The following CAP2 variants were observed in gnomAD, a reference collection of about 807,000 sequenced individuals.
CAP2 encodes the protein adenylyl cyclase-associated protein 2.
CAP2 carries 24 observed loss-of-function variants against 57.7 expected under a neutral mutation model. The observed-to-expected ratio is 0.42, with a 90% CI of 0.30 to 0.58. The LOEUF is 0.58. Among genes scored for constraint, CAP2 ranks in the 20% least tolerant of loss-of-function variants. The probability of loss-of-function intolerance (pLI) is 0.22; values close to 1 mark genes in which losing one functional copy is unlikely to be tolerated. For missense variants in CAP2, 501 were observed against 590.3 expected, an observed-to-expected ratio of 0.85 and a Z score of 1.57; for synonymous variants, 194 against 207.2, an observed-to-expected ratio of 0.94 and a Z score of 0.55.
At chr6:17,511,479 T>C (rs959870604) in intron 6 of CAP2, among the ~76,000 whole-genome samples, 3 of 151,968 alleles carry the variant, frequency 2.0e-5, no homozygotes, top group Non-Finnish European at 4.4e-5. Flanking sequence ...TGATACAGAG[T>C]CTCGCTCTGT....
chr6:17,449,784 G>T (rs953978053), intron 3 of CAP2, among the ~76,000 whole-genome samples: 4 of 152,122 alleles, frequency 2.6e-5, no homozygotes, highest in Non-Finnish European at 5.9e-5. Flanking sequence ...ATGGCAAGTG[G>T]TCCCTAATAT....
chr6:17,523,910 C>T (rs1762442482), intron 7 of CAP2, among the ~76,000 whole-genome samples: 1 of 152,034 alleles, frequency 6.6e-6, no homozygotes. Context: ...CCCGTCTCTA[C>T]TAAAAATACA....
At chr6:17,462,845 A>G in intron 3 of CAP2, 151 bp from the exon 4 acceptor site, 1 of 635,534 alleles carries the variant, frequency 1.6e-6, no homozygotes, top group South Asian at 1.9e-5. Flanking sequence ...TTATTATATG[A>G]TGCTGTTACG....
intron 12 of CAP2, among the ~76,000 whole-genome samples, chr6:17,552,900 A>T (rs532269682): frequency 2.6e-5 from 4 of 152,308 alleles, no homozygotes; most frequent in African/African-American, 7.2e-5. Context: ...CACGTGTCAT[A>T]CATTACAGGC....
chr6:17,475,688 C>A (rs1242999819), intron 4 of CAP2, among the ~76,000 whole-genome samples: 2 of 152,090 alleles, frequency 1.3e-5, no homozygotes, highest in South Asian at 4.1e-4. Context: ...ATCCAGCTGG[C>A]CTGATATTTA....
At chr6:17,414,657 A>G (rs1324275013) in intron 1 of CAP2, among the ~76,000 whole-genome samples, 1 of 152,120 alleles carries the variant, frequency 6.6e-6, no homozygotes, top group Non-Finnish European at 1.5e-5. Flanking sequence ...TCTATCATTG[A>G]TGGGCATTTG....
At chr6:17,520,974 G>A (rs1314151894) in intron 7 of CAP2, among the ~76,000 whole-genome samples, 2 of 152,196 alleles carry the variant, frequency 1.3e-5, no homozygotes, top group Admixed American at 6.5e-5. Context: ...CTCTTCCCAC[G>A]GAGTGGCCCT....
intron 1 of CAP2, among the ~76,000 whole-genome samples, chr6:17,415,642 AAAG>A (rs1321529483): frequency 1.3e-5 from 2 of 152,200 alleles, no homozygotes; most frequent in African/African-American, 4.8e-5. Context: ...TGGGAGATGC[AAAG>A]AAGAGTAAGA....
rs770115560 is a variant in CAP2 at position 17,541,158 on chromosome 6, G to A, written c.1002+10G>A. The A allele has an allele frequency of 6.9e-6, 11 of 1,602,412 alleles. No homozygotes were observed. The South Asian group carries it at 1.1e-4, about 16-fold the overall frequency. ...AAAGAAATGGAGAGTGGTAAGTGAA[G>A]CATTTTAACCTTTATTTTCCTGACA... On this transcript the variant is annotated intron_variant, in intron 9 of 12. Coordinates refer to ENST00000229922, the MANE Select transcript of CAP2 (RefSeq NM_006366.3).
intron 1 of CAP2, among the ~76,000 whole-genome samples, chr6:17,410,781 G>A (rs1759122969): frequency 6.6e-6 from 1 of 152,018 alleles, no homozygotes; most frequent in Non-Finnish European, 1.5e-5. Flanking sequence ...GGATGGTCTT[G>A]ATCTCCTGAC....
At chr6:17,474,966 G>A (rs1425565913) in intron 4 of CAP2, among the ~76,000 whole-genome samples, 2 of 152,082 alleles carry the variant, frequency 1.3e-5, no homozygotes, top group Non-Finnish European at 2.9e-5. Context: ...GGAGGCCGAG[G>A]CGGGCGGATC....
intron 1 of CAP2, among the ~76,000 whole-genome samples, chr6:17,395,575 T>G (rs1336901227): frequency 6.6e-6 from 1 of 152,206 alleles, no homozygotes; most frequent in Admixed American, 6.5e-5. Context: ...AAAGGATTAA[T>G]GGGCCACATT....
chr6:17,420,266 A>G (rs1262162106), intron 1 of CAP2, among the ~76,000 whole-genome samples: 1 of 152,244 alleles, frequency 6.6e-6, no homozygotes, highest in Non-Finnish European at 1.5e-5. Context: ...TGTCTCTACA[A>G]ACCACCCCAC....
chr6:17,513,873 G>A lies in CAP2; in HGVS notation c.555G>A (p.Val185=). Residue 185 remains valine (V), a synonymous_variant, in exon 7 of 13, where the codon GTG becomes GTA. Transcript: ENST00000229922. The surrounding 1 kb of genome is among the most constrained non-coding windows in gnomAD (Gnocchi z 4.3). ...GTGATTTGCGTCATGTGGATTGGGT[G>A]AAGTCATATTTGAACATTTGGAGTG... is the stretch of plus-strand genomic sequence containing the variant. ...KHSDLRHVDW[V]KSYLNIWSEL... 6.2e-7 allele frequency: 1 copy of A among 1,612,784 alleles called. No homozygotes were observed. The highest frequency in any genetic ancestry group is 8.5e-7 in the Non-Finnish European group (1 of 1,178,782).
intron 3 of CAP2, among the ~76,000 whole-genome samples, chr6:17,454,861 A>G (rs927020991): frequency 3.3e-5 from 5 of 152,204 alleles, no homozygotes; most frequent in Non-Finnish European, 5.9e-5. Context: ...GGATTTAGGA[A>G]TTCTTGCTTC....
chr6:17,471,074 A>G (rs1761004545), intron 4 of CAP2, among the ~76,000 whole-genome samples: 1 of 152,240 alleles, frequency 6.6e-6, no homozygotes, highest in African/African-American at 2.4e-5. Flanking sequence ...TAAAATGCCA[A>G]ACAAAGTAAT....
chr6:17,516,060 C>T (rs763461430), intron 7 of CAP2, among the ~76,000 whole-genome samples: 2 of 152,180 alleles, frequency 1.3e-5, no homozygotes, highest in Admixed American at 6.5e-5. Flanking sequence ...TAATTTCCCC[C>T]GGGGAGGTAC....
At chr6:17,471,307 A>G (rs933795782) in intron 4 of CAP2, among the ~76,000 whole-genome samples, 1 of 152,256 alleles carries the variant, frequency 6.6e-6, no homozygotes, top group African/African-American at 2.4e-5. Flanking sequence ...GTCAAGGGCC[A>G]TATGACAGAT....
chr6:17,556,937 G>T lies in CAP2; in HGVS notation c.*495G>T, dbSNP rs1344129934. On this transcript the variant is annotated 3_prime_UTR_variant, in exon 13 of 13. Coordinates refer to ENST00000229922, the MANE Select transcript of CAP2 (RefSeq NM_006366.3). ...CCACATGTTCACCTTTATCAGCGTG[G>T]ATACTGTCAGCATGAGTACATATTT... 1 of 156,660 alleles carries T rather than the reference G, an allele frequency of 6.4e-6. No individual in the cohort carries two copies. Among genetic ancestry groups the T allele is most frequent in the Admixed American group, 6.2e-5 (1 of 16,004 alleles). The allele number at this position is 156,660 out of a possible 1,614,324, so 9.7% of individuals were successfully genotyped here. A position where few individuals can be genotyped will look rare whatever the true frequency, so the allele number is the denominator to read the frequency against.
Sources: allele counts gnomAD v4.1 joint callset (sites outside exome capture counted in the v4.1 genomes callset), GRCh38; gene constraint gnomAD v4.1.1; non-coding constraint Gnocchi (gnomAD v3.1); transcripts MANE v1.5; gene names NCBI Gene and HGNC (gene_info 2026-07-23, HGNC 2026-07-21).